The following ZNF684 variants were observed in gnomAD, a reference collection of about 807,000 sequenced individuals.
ZNF684 encodes hypothetical protein MGC27466.
ZNF684 carries 13 observed loss-of-function variants against 12.8 expected under a neutral mutation model. The observed-to-expected ratio is 1.02, with a 90% CI of 0.66 to 1.62. ZNF684 has a LOEUF of 1.62. ZNF684 is among the 40% of genes most tolerant of loss of function. The probability of loss-of-function intolerance (pLI) is 0.00; values close to 1 mark genes in which losing one functional copy is unlikely to be tolerated. For synonymous variants in ZNF684, 118 were observed against 151.8 expected, an observed-to-expected ratio of 0.78 and a Z score of 1.64; for missense variants, 384 against 446.9, an observed-to-expected ratio of 0.86 and a Z score of 1.27.
chr1:40,532,016 G>C (rs905806284), intron 1 of ZNF684, among the ~76,000 whole-genome samples: 2 of 152,130 alleles, frequency 1.3e-5, no homozygotes, highest in Non-Finnish European at 2.9e-5. Flanking sequence ...TTGCATTCCT[G>C]CTCTTGTAGG....
At chr1:40,539,152 C>T (rs1036853014) in intron 2 of ZNF684, among the ~76,000 whole-genome samples, 3 of 151,988 alleles carry the variant, frequency 2.0e-5, no homozygotes, top group Non-Finnish European at 4.4e-5. Context: ...GCCTCAGCCT[C>T]CTGAGTAGCT....
intron 4 of ZNF684, among the ~76,000 whole-genome samples, chr1:40,543,983 G>GTTTTGT (rs1393610510): frequency 6.7e-6 from 1 of 148,768 alleles, no homozygotes; most frequent in Non-Finnish European, 1.5e-5. Flanking sequence ...TTTAAGGCCT[G>GTTTTGT]TTTTCTTTTT....
chr1:40,531,659 C>A lies in ZNF684; in HGVS notation c.-153C>A, dbSNP rs1208552318. On this transcript the variant is annotated 5_prime_UTR_variant, in exon 1 of 5. Transcript: ENST00000372699. Reference sequence around the variant, plus strand: ...CGCACACGCGTAGTAGGACGGTAGCCGGTATTCAATCTTCAAATCAGCGCC... The same window carrying A: ...CGCACACGCGTAGTAGGACGGTAGCAGGTATTCAATCTTCAAATCAGCGCC... 1.3e-5 allele frequency: 2 copies of A among 152,178 alleles called. No homozygotes were observed. The highest frequency in any genetic ancestry group is 2.4e-5 in the African/African-American group (1 of 41,422). The allele number at this position is 152,178 out of a possible 1,614,324, so 9.4% of individuals were successfully genotyped here.
At position 40,547,436 on chromosome 1, in the gene ZNF684, T is replaced by C; in HGVS notation, c.1113T>C (p.Ile371=). 1 of 1,603,890 alleles carries C rather than the reference T, an allele frequency of 6.2e-7. No individual in the cohort carries two copies. Among genetic ancestry groups the C allele is most frequent in the Non-Finnish European group, 8.5e-7 (1 of 1,173,914 alleles). The change falls in exon 5 of 5, where the codon ATT becomes ATC. Residue 371 remains isoleucine (I), a synonymous_variant. Coordinates refer to ENST00000372699, the MANE Select transcript of ZNF684 (RefSeq NM_152373.4). ...GKAFSQKSNL[I]VHQKIHT is the part of the protein sequence containing the mutation. ...CATTTTCCCAGAAGTCAAATCTTAT[T>C]GTACATCAGAAAATTCATACATAAT...
At chr1:40,536,182 A>G (rs1645983066) in intron 2 of ZNF684, among the ~76,000 whole-genome samples, 2 of 152,116 alleles carry the variant, frequency 1.3e-5, no homozygotes, top group South Asian at 4.1e-4. Context: ...TCACGAGGTC[A>G]GGAGATCGAG....
intron 2 of ZNF684, among the ~76,000 whole-genome samples, chr1:40,535,137 A>G (rs1235133266): frequency 6.6e-6 from 1 of 152,162 alleles, no homozygotes; most frequent in Non-Finnish European, 1.5e-5. Context: ...CCTGCCCAAT[A>G]TTTATACCTT....
chr1:40,534,303 C>T (rs1221287279), intron 2 of ZNF684, among the ~76,000 whole-genome samples: 6 of 138,778 alleles, frequency 4.3e-5, no homozygotes, highest in Non-Finnish European at 9.1e-5. Flanking sequence ...TGCAGTGGCA[C>T]AATCTTGGCT....
Position 40,547,069 on chromosome 1 carries a change from G to C in ZNF684, c.746G>C (p.Gly249Ala). 6.2e-7 allele frequency: 1 copy of C among 1,614,140 alleles called. No individual in the cohort carries two copies. Among genetic ancestry groups the C allele is most frequent in the Non-Finnish European group, 8.5e-7 (1 of 1,180,022 alleles). Residue 249 changes from glycine to alanine, a missense_variant, in exon 5 of 5, where the codon GGG becomes GCG. Coordinates refer to ENST00000372699, the MANE Select transcript of ZNF684 (RefSeq NM_152373.4). ...GEKPYECSQC[G>A]KTFTWNSSFN... ...AAGCCTTATGAGTGCAGTCAATGTGGGAAAACATTCACTTGGAACTCCTCA... is the reference window on the plus strand; with the variant it reads ...AAGCCTTATGAGTGCAGTCAATGTGCGAAAACATTCACTTGGAACTCCTCA...
In ZNF684 at chr1:40,540,663, C is replaced by G. The variant is rs1369704534; in HGVS notation, c.93C>G (p.Thr31=). 2.5e-6 allele frequency: 4 copies of G among 1,611,474 alleles called. No individual in the cohort carries two copies. Among genetic ancestry groups the G allele is most frequent in the African/African-American group, 2.7e-5 (2 of 74,812 alleles). ...EWQLLDCAER[T]LYWDVMLENY... ...AGCTGCTTGATTGTGCTGAGAGAAC[C>G]CTGTATTGGGATGTGATGTTGGAGA... Residue 31 remains threonine, a synonymous_variant, in exon 3 of 5, where the codon ACC becomes ACG. Coordinates refer to ENST00000372699, the MANE Select transcript of ZNF684 (RefSeq NM_152373.4).
At chr1:40,540,515 A>G in intron 2 of ZNF684, 71 bp from the exon 3 acceptor site, 2 of 1,455,086 alleles carry the variant, frequency 1.4e-6, no homozygotes, top group Non-Finnish European at 1.8e-6. Context: ...GATATTAAGG[A>G]GCTGCCTTGA....
intron 2 of ZNF684, among the ~76,000 whole-genome samples, chr1:40,535,128 C>T (rs1023311984): frequency 6.6e-6 from 1 of 152,164 alleles, no homozygotes; most frequent in Non-Finnish European, 1.5e-5. Context: ...TTATCTCTTC[C>T]TGCCCAATAT....
At chr1:40,540,071 T>A (rs1646006338) in intron 2 of ZNF684, among the ~76,000 whole-genome samples, 1 of 152,242 alleles carries the variant, frequency 6.6e-6, no homozygotes, top group Non-Finnish European at 1.5e-5. Context: ...CTTTTCACAT[T>A]CTTGGCAGTG....
Position 40,541,609 on chromosome 1 carries a change from CA to C in ZNF684, c.143-4del. ...CCCCACTTCTATGCTGTTTTCCCAC[CA>C]ACAGGATGTCCAATTACCAAAACAA... On this transcript the variant is annotated splice_region_variant and splice_polypyrimidine_tract_variant and intron_variant, in intron 3 of 4. Transcript: ENST00000372699. 6.2e-7 allele frequency: 1 copy of C among 1,611,688 alleles called. No individual in the cohort carries two copies. The highest frequency in any genetic ancestry group is 8.5e-7 in the Non-Finnish European group (1 of 1,178,612).
intron 2 of ZNF684, among the ~76,000 whole-genome samples, chr1:40,534,699 T>C (rs1645975229): frequency 6.6e-6 from 1 of 151,996 alleles, no homozygotes; most frequent in Non-Finnish European, 1.5e-5. Flanking sequence ...TAGAAAAATA[T>C]GGACTTCTCT....
At position 40,537,363 on chromosome 1, in the gene ZNF684, GAACA is replaced by G. The variant is rs542300536; in HGVS notation, c.16-3220_16-3217del. 1.2e-4 allele frequency among the ~76,000 whole-genome samples: 19 copies of G among 152,216 alleles called. No individual in the cohort carries two copies. In the South Asian group the frequency reaches 3.7e-3, roughly 30 times the overall value. On this transcript the variant is annotated intron_variant, in intron 2 of 4. Coordinates refer to ENST00000372699, the MANE Select transcript of ZNF684 (RefSeq NM_152373.4). ...GAGCCTCATTAAATATTTTATAAGT[GAACA>G]AATAAGAATATGTAAGTGATATTTT... is the stretch of plus-strand genomic sequence containing the variant.
At chr1:40,544,438 T>C in intron 4 of ZNF684, 1 of 414,388 alleles carries the variant, frequency 2.4e-6, no homozygotes, top group Admixed American at 2.7e-5. Flanking sequence ...TGGCGCAATC[T>C]CAGCTCGGGT....
At position 40,547,639 on chromosome 1, in the gene ZNF684, G is replaced by C; in HGVS notation, c.*179G>C. 2.0e-6 allele frequency: 1 copy of C among 511,488 alleles called. No individual in the cohort carries two copies. Among genetic ancestry groups the C allele is most frequent in the Non-Finnish European group, 3.2e-6 (1 of 308,538 alleles). The allele number at this position is 511,488 out of a possible 1,614,324, so 31.7% of individuals were successfully genotyped here. A position where few individuals can be genotyped will look rare whatever the true frequency, so the allele number is the denominator to read the frequency against. On this transcript the variant is annotated 3_prime_UTR_variant, in exon 5 of 5. Coordinates refer to ENST00000372699, the MANE Select transcript of ZNF684 (RefSeq NM_152373.4). ...ATAATAAACTTTTTACAGAAAATAT[G>C]ACAGAAAACAACTATAAATAATAGA...
intron 4 of ZNF684, among the ~76,000 whole-genome samples, chr1:40,545,915 C>CTTTTTTTTTTT (rs55993619): frequency 8.8e-4 from 60 of 67,906 alleles, no homozygotes; most frequent in African/African-American, 1.2e-3. Flanking sequence ...GTCTCCTTTT[C>CTTTTTTTTTTT]TTTTTTTTTT....
chr1:40,543,602 G>A (rs1646027761), intron 4 of ZNF684, among the ~76,000 whole-genome samples: 1 of 151,910 alleles, frequency 6.6e-6, no homozygotes, highest in African/African-American at 2.4e-5. Context: ...GACTACAGGT[G>A]CCCACCACCA....
Sources: gnomAD v4.1 joint callset for allele counts (sites outside exome capture counted in the v4.1 genomes callset) on GRCh38, gnomAD v4.1.1 for gene constraint, MANE v1.5 for transcripts, NCBI Gene and HGNC (gene_info 2026-07-23, HGNC 2026-07-21) for gene names.